NEUROD1: variants seen among roughly 807,000 people sequenced by gnomAD.
NEUROD1 encodes the protein neurogenic differentiation factor 1.
In NEUROD1, 9 loss-of-function variants were observed where a neutral mutation model predicts 21.8. That is an observed-to-expected ratio of 0.41 (90% CI 0.25 to 0.72). The LOEUF is 0.72. Ranked by LOEUF, NEUROD1 falls within the 30% of genes least tolerant of loss-of-function variation. The probability of loss-of-function intolerance (pLI) is 0.31; values close to 1 mark genes in which losing one functional copy is unlikely to be tolerated. For missense variants in NEUROD1, 434 were observed against 468.8 expected, an observed-to-expected ratio of 0.93 and a Z score of 0.69; for synonymous variants, 199 against 186.2, an observed-to-expected ratio of 1.07 and a Z score of -0.56.
At chr2:181,674,683 C>A (rs1433764518), downstream of NEUROD1, among the ~76,000 whole-genome samples, 1 of 151,876 alleles carries the variant, frequency 6.6e-6, no homozygotes, top group East Asian at 1.9e-4. Context: ...AAATTAAATC[C>A]TCCCCTGCAG....
At chr2:181,679,975 C>T (rs755358225) in intron 1 of NEUROD1, among the ~76,000 whole-genome samples, 3 of 152,154 alleles carry the variant, frequency 2.0e-5, no homozygotes, top group Admixed American at 6.5e-5. Flanking sequence ...GGTGTGAATA[C>T]TCAAGGTATC....
rs145050582 is a variant in NEUROD1, at chr2:181,678,146, C to G, written c.715G>C (p.Val239Leu). The G allele has an allele frequency of 1.2e-6, 2 of 1,614,170 alleles. No individual in the cohort carries two copies. The highest frequency in any genetic ancestry group is 1.1e-5 in the South Asian group (1 of 91,078). ...PPYGTMDSSH[V>L]FHVKPPPHAY... ...TGCGGCGGAGGCTTAACGTGGAAGA[C>G]ATGGGAGCTGTCCATGGTACCGTAA... Residue 239 changes from valine to leucine, a missense_variant, in exon 2 of 2, where the codon GTC becomes CTC. Val to Leu is a conservative substitution (Grantham distance 32, BLOSUM62 1). Transcript: ENST00000295108. This position sits in a 1 kb window ranked among gnomAD's most constrained non-coding sequence, Gnocchi z 5.5.
rs1298774113 is a variant in NEUROD1 at position 181,678,135 on chromosome 2, A to G, written c.726T>C (p.Val242=). 3.7e-6 allele frequency: 6 copies of G among 1,614,206 alleles called. No homozygotes were observed. Among genetic ancestry groups the G allele is most frequent in the Non-Finnish European group, 5.1e-6 (6 of 1,180,032 alleles). ...CGCTGTAGGCGTGCGGCGGAGGCTT[A>G]ACGTGGAAGACATGGGAGCTGTCCA... ...GTMDSSHVFH[V]KPPPHAYSAA... The change falls in exon 2 of 2, where the codon GTT becomes GTC. Residue 242 remains valine (V), a synonymous_variant. Transcript: ENST00000295108. The surrounding 1 kb of genome is among the most constrained non-coding windows in gnomAD (Gnocchi z 5.5).
downstream of NEUROD1, among the ~76,000 whole-genome samples, chr2:181,669,068 T>A (rs1688459962): frequency 6.6e-6 from 1 of 152,150 alleles, no homozygotes; most frequent in African/African-American, 2.4e-5. Flanking sequence ...TGTAATTCTG[T>A]ACCTATGTTA....
At chr2:181,673,117 T>G (rs1396449322), downstream of NEUROD1, 1 of 152,218 alleles carries the variant, frequency 6.6e-6, no homozygotes, top group African/African-American at 2.4e-5. Context: ...ATCTGAAGAT[T>G]TAATCCAGCA....
chr2:181,675,713 T>G (rs1036284402), downstream of NEUROD1, among the ~76,000 whole-genome samples: 11 of 151,754 alleles, frequency 7.2e-5, no homozygotes, highest in African/African-American at 2.7e-4. Context: ...TTCCAGTGAG[T>G]TGTGTTCATG....
downstream of NEUROD1, among the ~76,000 whole-genome samples, chr2:181,668,859 T>C (rs1027781589): frequency 3.3e-5 from 5 of 152,188 alleles, no homozygotes; most frequent in African/African-American, 1.2e-4. Context: ...GATGAAACTT[T>C]CTCTTTCTAT....
exon 2 of NEUROD1, among the ~76,000 whole-genome samples, chr2:181,671,127 A>C (rs560189340): frequency 6.6e-6 from 1 of 151,930 alleles, no homozygotes; most frequent in Non-Finnish European, 1.5e-5. Context: ...CCAGTAGTTA[A>C]TTAGACAAAA....
At chr2:181,672,392 T>TA (rs1688511113), downstream of NEUROD1, among the ~76,000 whole-genome samples, 3 of 152,226 alleles carry the variant, frequency 2.0e-5, no homozygotes, top group South Asian at 6.2e-4. Context: ...AGCATCACAT[T>TA]AGTGCTCTTC....
rs1489029789 is a variant in NEUROD1 at position 181,678,719 on chromosome 2, C to G, written c.142G>C (p.Ala48Pro). 1 of 1,611,968 alleles carries G rather than the reference C, an allele frequency of 6.2e-7. No individual in the cohort carries two copies. The highest frequency in any genetic ancestry group is 1.3e-5 in the African/African-American group (1 of 74,794). ...KKEDDLETMN[A>P]EEDSLRNGGE... ...CCGTTCCTCAGTGAGTCCTCCTCTGCGTTCATGGTTTCGAGGTCGTCCTCC... is the reference window on the plus strand; with the variant it reads ...CCGTTCCTCAGTGAGTCCTCCTCTGGGTTCATGGTTTCGAGGTCGTCCTCC... The change falls in exon 2 of 2, where the codon GCA becomes CCA. Residue 48 changes from alanine to proline, a missense_variant. Ala to Pro is a conservative substitution (Grantham distance 27). Transcript: ENST00000295108. The surrounding 1 kb of genome is among the most constrained non-coding windows in gnomAD (Gnocchi z 5.5).
In NEUROD1 at chr2:181,676,845, A is replaced by G. The variant is rs1688583197; in HGVS notation, c.*945T>C. On this transcript the variant is annotated 3_prime_UTR_variant, in exon 2 of 2. Transcript: ENST00000295108. ...CATCAATAGCTTCAGATTCTCTGTA[A>G]AATCATGGAATGCAAAGGAGTAAAA... 6.6e-6 allele frequency: 1 copy of G among 152,600 alleles called. No homozygotes were observed. The highest frequency in any genetic ancestry group is 1.5e-5 in the Non-Finnish European group (1 of 67,998). 9.5% of individuals were successfully genotyped at this position (152,600 alleles called of 1,614,324 possible).
Position 181,678,776 on chromosome 2 carries a change from A to C in NEUROD1, c.85T>G (p.Ser29Ala). 1 of 1,613,454 alleles carries C rather than the reference A, an allele frequency of 6.2e-7. No homozygotes were observed. The highest frequency in any genetic ancestry group is 8.5e-7 in the Non-Finnish European group (1 of 1,179,676). ...TCTGCCTCGTGCTCCTCGTCCTGAG[A>C]ACTGAGACACTCGTCTGTCCAGCTT... The part of the protein sequence containing the change: ...PPSWTDECLS[S>A]QDEEHEADKK... Residue 29 changes from serine to alanine, a missense_variant, in exon 2 of 2, where the codon TCT becomes GCT. By Grantham distance (99) the Ser-to-Ala change is moderately conservative (BLOSUM62 1). Transcript: ENST00000295108. The surrounding 1 kb of genome is among the most constrained non-coding windows in gnomAD (Gnocchi z 5.5).
At position 181,677,621 on chromosome 2, in the gene NEUROD1, TC is replaced by T; in HGVS notation, c.*168del. The stretch of plus-strand genomic sequence containing the variant: ...TACATAAGGTGAACAGGAACTTTGA[TC>T]CCCTGTTTCTTCCAAAGGCAGTAAT... On this transcript the variant is annotated 3_prime_UTR_variant, in exon 2 of 2. Coordinates refer to ENST00000295108, the MANE Select transcript of NEUROD1 (RefSeq NM_002500.5). 8.4e-7 allele frequency: 1 copy of T among 1,184,566 alleles called. No homozygotes were observed. The highest frequency in any genetic ancestry group is 2.4e-5 in the East Asian group (1 of 42,442). 73.4% of individuals were successfully genotyped at this position (1,184,566 alleles called of 1,614,324 possible). A position where few individuals can be genotyped will look rare whatever the true frequency, so the allele number is the denominator to read the frequency against.
chr2:181,678,208 G>C lies in NEUROD1; in HGVS notation c.653C>G (p.Pro218Arg). Reference sequence around the variant, plus strand: ...CAGCCCAGGCGACTGGTAGGAGTAGGGGTGTACAGGGAAGGAAGCGCTGGC... The same window carrying C: ...CAGCCCAGGCGACTGGTAGGAGTAGCGGTGTACAGGGAAGGAAGCGCTGGC... ...PTASASFPVH[P>R]YSYQSPGLPS... Residue 218 changes from proline (P) to arginine (R), a missense_variant, in exon 2 of 2, where the codon CCC becomes CGC. Coordinates refer to ENST00000295108, the MANE Select transcript of NEUROD1 (RefSeq NM_002500.5). This position sits in a 1 kb window ranked among gnomAD's most constrained non-coding sequence, Gnocchi z 5.5. 1.2e-6 allele frequency: 2 copies of C among 1,614,192 alleles called. No individual in the cohort carries two copies. Among genetic ancestry groups the C allele is most frequent in the Non-Finnish European group, 1.7e-6 (2 of 1,180,036 alleles).
downstream of NEUROD1, among the ~76,000 whole-genome samples, chr2:181,671,865 T>C (rs1688504308): frequency 6.6e-6 from 1 of 152,234 alleles, no homozygotes; most frequent in African/African-American, 2.4e-5. Flanking sequence ...TTAACAGTTC[T>C]CTTAAGCATT....
downstream of NEUROD1, chr2:181,673,257 A>G (rs1245204599): frequency 6.6e-6 from 1 of 152,210 alleles, no homozygotes; most frequent in South Asian, 2.1e-4. Flanking sequence ...ACCAAGCCTT[A>G]GTGTATGTGA....
Position 181,678,641 on chromosome 2 carries a change from C to T in NEUROD1, c.220G>A (p.Glu74Lys). The T allele has an allele frequency of 6.2e-7, 1 of 1,613,614 alleles. No homozygotes were observed. The highest frequency in any genetic ancestry group is 8.5e-7 in the Non-Finnish European group (1 of 1,179,762). ...EDLEEEEEEE[E>K]EDDDQKPKRR... ...TTGGGCTTTTGATCGTCATCCTCCT[C>T]TTCCTCTTCTTCCTCCTCTTCCAGG... Residue 74 changes from glutamate to lysine, a missense_variant, in exon 2 of 2, where the codon GAG becomes AAG. By Grantham distance (56) the Glu-to-Lys change is moderately conservative (BLOSUM62 1). Coordinates refer to ENST00000295108, the MANE Select transcript of NEUROD1 (RefSeq NM_002500.5). This position sits in a 1 kb window ranked among gnomAD's most constrained non-coding sequence, Gnocchi z 5.5.
chr2:181,671,251 A>T (rs1688493938), exon 2 of NEUROD1, among the ~76,000 whole-genome samples: 1 of 152,158 alleles, frequency 6.6e-6, no homozygotes, highest in Non-Finnish European at 1.5e-5. Flanking sequence ...AAGGTATCTA[A>T]ACAAGTAGCC....
Position 181,678,214 on chromosome 2 carries a change from A to G in NEUROD1, c.647T>C (p.Val216Ala), listed in dbSNP as rs1688623572. Residue 216 changes from valine to alanine, a missense_variant, in exon 2 of 2, where the codon GTA becomes GCA. Coordinates refer to ENST00000295108, the MANE Select transcript of NEUROD1 (RefSeq NM_002500.5). This position sits in a 1 kb window ranked among gnomAD's most constrained non-coding sequence, Gnocchi z 5.5. ...HLPTASASFP[V>A]HPYSYQSPGL... ...AGGCGACTGGTAGGAGTAGGGGTGT[A>G]CAGGGAAGGAAGCGCTGGCCGTCGG... 1.2e-6 allele frequency: 2 copies of G among 1,614,140 alleles called. No homozygotes were observed. The highest frequency in any genetic ancestry group is 1.1e-5 in the South Asian group (1 of 91,090).
Sources: allele counts gnomAD v4.1 joint callset (sites outside exome capture counted in the v4.1 genomes callset), GRCh38; gene constraint gnomAD v4.1.1; non-coding constraint Gnocchi (gnomAD v3.1); transcripts MANE v1.5; gene names NCBI Gene and HGNC (gene_info 2026-07-23, HGNC 2026-07-21).